The following ODAD2 variants were observed in gnomAD, a reference collection of about 807,000 sequenced individuals.
ODAD2 encodes the protein outer dynein arm docking complex subunit 2, also known as outer dynein arm-docking complex subunit 2.
In ODAD2, 89 loss-of-function variants were observed where a neutral mutation model predicts 106.8. The ratio of observed to expected loss-of-function variants is 0.83; its 90% confidence interval spans 0.70 to 0.99. ODAD2 has a LOEUF of 0.99. Among genes scored for constraint, ODAD2 ranks in the 50% least tolerant of loss-of-function variants. The probability of loss-of-function intolerance (pLI) is 0.00; values close to 1 mark genes in which losing one functional copy is unlikely to be tolerated. For missense variants in ODAD2, 1,168 were observed against 1,238.5 expected, an observed-to-expected ratio of 0.94 and a Z score of 0.85; for synonymous variants, 404 against 436.2, an observed-to-expected ratio of 0.93 and a Z score of 0.92.
At chr10:27,895,594 TTTAA>T (rs1171887333) in intron 17 of ODAD2, among the ~76,000 whole-genome samples, 4 of 152,194 alleles carry the variant, frequency 2.6e-5, no homozygotes, top group Non-Finnish European at 4.4e-5. Context: ...TGACCTAAAC[TTTAA>T]TTAAAACTGC....
intron 6 of ODAD2, among the ~76,000 whole-genome samples, chr10:27,983,260 CT>C (rs1270818440): frequency 6.6e-6 from 1 of 152,212 alleles, no homozygotes; most frequent in Non-Finnish European, 1.5e-5. Context: ...TCTGCCATCT[CT>C]ACAAGGATCC....
In ODAD2 at chr10:27,855,341, A is replaced by T. The variant is rs111232762; in HGVS notation, c.3021+5284T>A. Among the ~76,000 whole-genome samples the T allele has an allele frequency of 3.0e-3, 463 of 152,264 alleles. 6 individuals are homozygous for T. Among genetic ancestry groups the T allele is most frequent in the East Asian group, 0.011 (55 of 5,184 alleles). ...ACTTTACAGGAGAAATACAAATAAA[A>T]ATTAAAAAGCCAATCAGAAACAAGT... On this transcript the variant is annotated intron_variant, in intron 19 of 19. Coordinates refer to ENST00000305242, the MANE Select transcript of ODAD2 (RefSeq NM_018076.5).
At chr10:27,898,516 T>A (rs943114739) in intron 17 of ODAD2, among the ~76,000 whole-genome samples, 1 of 152,170 alleles carries the variant, frequency 6.6e-6, no homozygotes, top group Non-Finnish European at 1.5e-5. Context: ...TATATAGTGA[T>A]CTTTGTTTAA....
intron 19 of ODAD2, among the ~76,000 whole-genome samples, chr10:27,858,320 A>G (rs1417682793): frequency 6.6e-6 from 1 of 152,194 alleles, no homozygotes; most frequent in Non-Finnish European, 1.5e-5. Flanking sequence ...GAAGAGGTCG[A>G]GAGAGACAAT....
In ODAD2 at chr10:27,893,274, T is replaced by C. The variant is rs566918796; in HGVS notation, c.2610+14389A>G. 3.3e-5 allele frequency among the ~76,000 whole-genome samples: 5 copies of C among 152,330 alleles called. No individual in the cohort carries two copies. In the East Asian group the frequency reaches 9.6e-4, roughly 29 times the overall value. On this transcript the variant is annotated intron_variant, in intron 17 of 19. Coordinates refer to ENST00000305242, the MANE Select transcript of ODAD2 (RefSeq NM_018076.5). ...ATTCACATCTTATTTTCTTAACACA[T>C]ACATCTGAAAATGTGTTCTAATGTG...
At chr10:27,903,488 T>C (rs919785470) in intron 17 of ODAD2, among the ~76,000 whole-genome samples, 3 of 152,090 alleles carry the variant, frequency 2.0e-5, no homozygotes, top group African/African-American at 7.2e-5. Context: ...AGTATTCAAA[T>C]AGGAAGAGAG....
chr10:27,884,100 C>T (rs540739073), intron 17 of ODAD2, among the ~76,000 whole-genome samples: 1 of 152,010 alleles, frequency 6.6e-6, no homozygotes, highest in Non-Finnish European at 1.5e-5. Context: ...GTAGAATATA[C>T]TCAAAGAGAT....
intron 19 of ODAD2, among the ~76,000 whole-genome samples, chr10:27,856,483 A>C (rs950411588): frequency 6.6e-6 from 1 of 152,152 alleles, no homozygotes; most frequent in Admixed American, 6.5e-5. Flanking sequence ...TACATGCCCC[A>C]AAAGTGAAAA....
At chr10:27,996,231 G>A (rs899968821) in intron 1 of ODAD2, among the ~76,000 whole-genome samples, 2 of 151,970 alleles carry the variant, frequency 1.3e-5, no homozygotes, top group South Asian at 2.1e-4. Context: ...ATGGTTATAC[G>A]GTTAAATATA....
chr10:27,885,732 ATATAT>A (rs377541078), intron 17 of ODAD2, among the ~76,000 whole-genome samples: 2,315 of 23,102 alleles, frequency 0.1, 223 homozygotes, highest in Middle Eastern at 0.28. Flanking sequence ...TATATATAAA[ATATAT>A]TATGTTATAT....
At chr10:27,949,917 A>G (rs1224446465) in intron 10 of ODAD2, among the ~76,000 whole-genome samples, 9 of 151,758 alleles carry the variant, frequency 5.9e-5, no homozygotes, top group Admixed American at 5.9e-4. Flanking sequence ...TGTAGATGAA[A>G]CTCCAACTCT....
chr10:27,956,281 C>A (rs960125017), intron 10 of ODAD2, among the ~76,000 whole-genome samples: 1 of 152,152 alleles, frequency 6.6e-6, no homozygotes, highest in African/African-American at 2.4e-5. Context: ...CAAATCAATG[C>A]TTTCATCATC....
intron 10 of ODAD2, among the ~76,000 whole-genome samples, chr10:27,950,650 G>A (rs1290735541): frequency 6.6e-6 from 1 of 151,028 alleles, no homozygotes; most frequent in Non-Finnish European, 1.5e-5. Context: ...GCAACGGTGT[G>A]ATCTCGGCTC....
Position 27,944,276 on chromosome 10 carries a change from G to A in ODAD2, c.1689C>T (p.Ala563=), listed in dbSNP as rs1385532214. The change falls in exon 12 of 20, where the codon GCC becomes GCT. Residue 563 remains alanine, a synonymous_variant. Transcript: ENST00000305242. ...CLAAETIANV[A]KFKRARRVVR... ...CCACCCGCCGTGCTCTTTTAAACTTGGCAACATTCGCGATAGTCTCGGCTG... is the reference window on the plus strand; with the variant it reads ...CCACCCGCCGTGCTCTTTTAAACTTAGCAACATTCGCGATAGTCTCGGCTG... The A allele has an allele frequency of 1.2e-6, 2 of 1,613,878 alleles. No individual in the cohort carries two copies. The highest frequency in any genetic ancestry group is 1.7e-5 in the Admixed American group (1 of 60,012).
chr10:27,906,169 GA>G (rs998838177), intron 17 of ODAD2, among the ~76,000 whole-genome samples: 129 of 150,750 alleles, frequency 8.6e-4, no homozygotes, highest in African/African-American at 3.1e-3. Flanking sequence ...AAATTTATAA[GA>G]AAAAACAACT....
Position 27,936,797 on chromosome 10 carries a change from G to T in ODAD2, c.2181C>A (p.Asp727Glu). 6.2e-7 allele frequency: 1 copy of T among 1,613,972 alleles called. No homozygotes were observed. The highest frequency in any genetic ancestry group is 8.5e-7 in the Non-Finnish European group (1 of 1,179,926). ...TGACAGCAGCTAACCGCTCTTTATT[G>T]TCAGTGTTATTGAGTAGACTGGCCA... is the stretch of plus-strand genomic sequence containing the variant. ...KPLASLLNNTDNKERLAAVTG... is the reference protein window; with the variant it reads ...KPLASLLNNTENKERLAAVTG... The change falls in exon 15 of 20, where the codon GAC becomes GAA. Residue 727 changes from aspartate to glutamate, a missense_variant. Around this residue, in one of 3 missense-constraint regions of ODAD2, gnomAD observed 701 missense variants for 712.3 expected, o/e 0.98. Transcript: ENST00000305242.
At chr10:27,933,845 AG>A (rs1236503136) in intron 16 of ODAD2, among the ~76,000 whole-genome samples, 1 of 152,168 alleles carries the variant, frequency 6.6e-6, no homozygotes, top group Admixed American at 6.6e-5. Context: ...GAAACACTGG[AG>A]ACTAAGATTC....
At chr10:27,986,592 A>T (rs953618324) in intron 3 of ODAD2, among the ~76,000 whole-genome samples, 1 of 152,192 alleles carries the variant, frequency 6.6e-6, no homozygotes. Context: ...AAAGTAAAAA[A>T]AAGACCATCT....
chr10:27,888,755 T>TA, intron 17 of ODAD2, among the ~76,000 whole-genome samples: 1 of 152,230 alleles, frequency 6.6e-6, no homozygotes, highest in East Asian at 1.9e-4. Context: ...TTTATACAAA[T>TA]AAAAAATTTT....
Sources: allele counts gnomAD v4.1 joint callset (sites outside exome capture counted in the v4.1 genomes callset), GRCh38; gene constraint gnomAD v4.1.1; regional missense constraint gnomAD v4.1.1; transcripts MANE v1.5; gene names NCBI Gene and HGNC (gene_info 2026-07-23, HGNC 2026-07-21).